The following S100A14 variants were observed in gnomAD, a reference collection of about 807,000 sequenced individuals.
S100A14 encodes S100 calcium binding protein A14, also known as protein S100-A14.
S100A14 carries 6 observed loss-of-function variants against 10.6 expected under a neutral mutation model. The ratio of observed to expected loss-of-function variants is 0.57; its 90% CI spans 0.31 to 1.12. The LOEUF (loss-of-function observed/expected upper bound fraction) is 1.12, where lower values mean the gene tolerates loss of function less well. S100A14 is among the 50% of genes most tolerant of loss of function. The pLI, the probability that S100A14 is intolerant of heterozygous loss-of-function variation, is 0.06. For missense variants in S100A14, 121 were observed against 128.7 expected, an observed-to-expected ratio of 0.94 and a Z score of 0.29; for synonymous variants, 51 against 51.0, an observed-to-expected ratio of 1.00 and a Z score of 0.00.
chr1:153,615,868 T>C lies in S100A14; in HGVS notation c.-10A>G, dbSNP rs781029641. The C allele has an allele frequency of 1.2e-6, 2 of 1,613,858 alleles. No homozygotes were observed. The highest frequency in any genetic ancestry group is 2.2e-5 in the South Asian group (2 of 91,078). ...ACCGACACTGTCCCATGGTGCCCAC[T>C]GTGTCTGGTCCTTTGGTGAGAGTTC... is the stretch of plus-strand genomic sequence containing the variant. On this transcript the variant is annotated 5_prime_UTR_variant, in exon 2 of 4. Transcript: ENST00000344616.
In S100A14 at chr1:153,615,867, C is replaced by T. The variant is rs1317672481; in HGVS notation, c.-9G>A. The T allele has an allele frequency of 1.2e-6, 2 of 1,613,940 alleles. No homozygotes were observed. The highest frequency in any genetic ancestry group is 3.3e-5 in the Admixed American group (2 of 60,006). On this transcript the variant is annotated 5_prime_UTR_variant, in exon 2 of 4. The change creates a new upstream start codon in the 5' untranslated region. Transcript: ENST00000344616. ...GACCGACACTGTCCCATGGTGCCCA[C>T]TGTGTCTGGTCCTTTGGTGAGAGTT...
chr1:153,615,032 G>A lies in S100A14; in HGVS notation c.178-10C>T. 6.2e-7 allele frequency: 1 copy of A among 1,613,264 alleles called. No homozygotes were observed. Among genetic ancestry groups the A allele is most frequent in the Non-Finnish European group, 8.5e-7 (1 of 1,179,610 alleles). On this transcript the variant is annotated splice_polypyrimidine_tract_variant and intron_variant, in intron 3 of 3. Transcript: ENST00000344616. ...CCAGGCCACAGTTGCTCTGAGGGGA[G>A]TGAAGAAACCATGGCTCAGGGATGC...
Position 153,614,837 on chromosome 1 carries a change from G to C in S100A14, c.*48C>G. 1 of 1,594,394 alleles carries C rather than the reference G, an allele frequency of 6.3e-7. No individual in the cohort carries two copies. The highest frequency in any genetic ancestry group is 8.5e-7 in the Non-Finnish European group (1 of 1,170,526). ...GTAGAGGAGACAAGTTTTATCTCCA[G>C]GCCCACAGTCTCTCCCCAACACCCC... On this transcript the variant is annotated 3_prime_UTR_variant, in exon 4 of 4. Coordinates refer to ENST00000344616, the MANE Select transcript of S100A14 (RefSeq NM_020672.3).
Position 153,615,293 on chromosome 1 carries a change from G to C in S100A14, c.119C>G (p.Thr40Arg), listed in dbSNP as rs375870977. Reference protein sequence around the residue: ...HQYSVEGGKETLTPSELRDLV... With the variant: ...HQYSVEGGKERLTPSELRDLV... ...GTCCCGTAGCTCAGAAGGGGTCAGC[G>C]TCTCCTTCCCACCCTCCACGGAGTA... The change falls in exon 3 of 4, where the codon ACG (threonine) becomes AGG (arginine). Residue 40 changes from threonine (T) to arginine (R), a missense_variant. Coordinates refer to ENST00000344616, the MANE Select transcript of S100A14 (RefSeq NM_020672.3). The C allele has an allele frequency of 9.9e-6, 16 of 1,613,844 alleles. No homozygotes were observed. Among genetic ancestry groups the C allele is most frequent in the Non-Finnish European group, 1.4e-5 (16 of 1,179,998 alleles).
intron 1 of S100A14, 146 bp from the exon 2 acceptor site, chr1:153,616,082 T>G: frequency 2.0e-6 from 1 of 495,578 alleles, no homozygotes; most frequent in Non-Finnish European, 3.7e-6. Flanking sequence ...CGCCTGGGCT[T>G]CAGGAGCCAA....
chr1:153,615,978 T>A, intron 1 of S100A14, 42 bp from the exon 2 acceptor site: 1 of 949,156 alleles, frequency 1.1e-6, no homozygotes, highest in Non-Finnish European at 1.7e-6. Context: ...GGAGAGAGTC[T>A]AGCATTTCTT....
chr1:153,614,712 A>G lies in S100A14; in HGVS notation c.*173T>C. The G allele has an allele frequency of 1.4e-6, 1 of 733,474 alleles. No homozygotes were observed. The highest frequency in any genetic ancestry group is 2.1e-6 in the Non-Finnish European group (1 of 470,878). 45.4% of individuals were successfully genotyped at this position (733,474 alleles called of 1,614,324 possible). ...TCTGGTGGAGACTCCTCCACCCATG[A>G]GCTCCCCAGAGCATCCAAGACAGAG... On this transcript the variant is annotated 3_prime_UTR_variant, in exon 4 of 4. Coordinates refer to ENST00000344616, the MANE Select transcript of S100A14 (RefSeq NM_020672.3).
In S100A14 at chr1:153,614,902, G is replaced by T; in HGVS notation, c.298C>A (p.Pro100Thr). The T allele has an allele frequency of 6.2e-7, 1 of 1,613,782 alleles. No individual in the cohort carries two copies. The highest frequency in any genetic ancestry group is 8.5e-7 in the Non-Finnish European group (1 of 1,179,900). Reference sequence around the variant, plus strand: ...GGGAGTTCTCAGTGCCCCCGGACAGGCCTCTCCAGCTTCACACTCTTGGCC... The same window carrying T: ...GGGAGTTCTCAGTGCCCCCGGACAGTCCTCTCCAGCTTCACACTCTTGGCC... ...EAAKSVKLER[P>T]VRGH The change falls in exon 4 of 4, where the codon CCT becomes ACT. Residue 100 changes from proline (P) to threonine (T), a missense_variant. Coordinates refer to ENST00000344616, the MANE Select transcript of S100A14 (RefSeq NM_020672.3).
intron 1 of S100A14, 70 bp downstream of exon 1, chr1:153,616,225 G>A (rs1411331604): frequency 4.5e-6 from 1 of 224,422 alleles, no homozygotes; most frequent in East Asian, 8.4e-5. Context: ...TGATCCCCCA[G>A]CTCTTACCCT....
chr1:153,615,424 A>C (rs1666941631), intron 2 of S100A14, 43 bp from the exon 3 acceptor site: 1 of 1,592,748 alleles, frequency 6.3e-7, no homozygotes, highest in Non-Finnish European at 8.6e-7. Flanking sequence ...AGCTCCATGC[A>C]CCCCAAAACC....
intron 2 of S100A14, among the ~76,000 whole-genome samples, 184 bp from the exon 3 acceptor site, chr1:153,615,565 G>C (rs1021368503): frequency 6.6e-6 from 1 of 152,120 alleles, no homozygotes; most frequent in African/African-American, 2.4e-5. Context: ...GGCCACAGCA[G>C]CTACAGGTTG....
At chr1:153,615,807 G>A in intron 2 of S100A14, 22 bp downstream of exon 2, 5 of 1,613,558 alleles carry the variant, frequency 3.1e-6, no homozygotes, top group Non-Finnish European at 4.2e-6. Context: ...GGAGCAGAAA[G>A]GCCAGGAGTG....
Position 153,614,612 on chromosome 1 carries a change from C to T in S100A14, c.*273G>A, listed in dbSNP as rs1407939121. ...GCTCCTCTCTGTTCTCCCCCTACTA[C>T]CAATTCTTTGGCTCTTACACAATTT... On this transcript the variant is annotated 3_prime_UTR_variant, in exon 4 of 4. Transcript: ENST00000344616. 1 of 381,796 alleles carries T rather than the reference C, an allele frequency of 2.6e-6. No individual in the cohort carries two copies. The highest frequency in any genetic ancestry group is 4.7e-6 in the Non-Finnish European group (1 of 212,646). The allele number at this position is 381,796 out of a possible 1,614,324, so 23.7% of individuals were successfully genotyped here. A position where few individuals can be genotyped will look rare whatever the true frequency, so the allele number is the denominator to read the frequency against.
chr1:153,615,705 A>G, intron 2 of S100A14, 124 bp downstream of exon 2: 1 of 968,220 alleles, frequency 1.0e-6, no homozygotes, highest in Non-Finnish European at 1.6e-6. Context: ...TTCACATCTC[A>G]CTCACAGGGT....
At chr1:153,615,187 C>T in intron 3 of S100A14, 48 bp downstream of exon 3, 1 of 1,607,452 alleles carries the variant, frequency 6.2e-7, no homozygotes. Context: ...GGAGCACTTG[C>T]TTGGGAAGTC....
At chr1:153,615,106 G>A in intron 3 of S100A14, 84 bp from the exon 4 acceptor site, 2 of 1,587,620 alleles carry the variant, frequency 1.3e-6, no homozygotes, top group South Asian at 1.2e-5. Flanking sequence ...CAGACAGCAG[G>A]AGCAGAGGCT....
In S100A14 at chr1:153,615,947, G is replaced by A; in HGVS notation, c.-78-11C>T. On this transcript the variant is annotated splice_polypyrimidine_tract_variant and intron_variant, in intron 1 of 3. Transcript: ENST00000344616. ...CTGATGGCTCATGATCTGCTTAGAG[G>A]AGGGGGTAGGCCTGAGCTGAGGAGA... is the stretch of plus-strand genomic sequence containing the variant. The A allele has an allele frequency of 7.5e-7, 1 of 1,327,764 alleles. No homozygotes were observed. Among genetic ancestry groups the A allele is most frequent in the South Asian group, 1.2e-5 (1 of 84,844 alleles). The allele number at this position is 1,327,764 out of a possible 1,614,324, so 82.2% of individuals were successfully genotyped here.
rs972502044 is a variant in S100A14, at chr1:153,615,315, A to G, written c.97T>C (p.Ser33Pro). 4.3e-5 allele frequency: 70 copies of G among 1,613,794 alleles called. No individual in the cohort carries two copies. Among genetic ancestry groups the G allele is most frequent in the Non-Finnish European group, 5.4e-5 (64 of 1,179,992 alleles). ...ETLIKNFHQY[S>P]VEGGKETLTP... is the part of the protein sequence containing the mutation. ...AGCGTCTCCTTCCCACCCTCCACGG[A>G]GTACTGGTGAAAGTTCTTGATGAGG... Residue 33 changes from serine to proline, a missense_variant, in exon 3 of 4, where the codon TCC becomes CCC. Transcript: ENST00000344616.
chr1:153,615,290 A>G lies in S100A14; in HGVS notation c.122T>C (p.Leu41Pro), dbSNP rs1001624922. 4.3e-6 allele frequency: 7 copies of G among 1,613,874 alleles called. No homozygotes were observed. The highest frequency in any genetic ancestry group is 1.6e-4 in the Middle Eastern group (1 of 6,084). ...QYSVEGGKET[L>P]TPSELRDLVT... is the part of the protein sequence containing the mutation. ...CAGGTCCCGTAGCTCAGAAGGGGTC[A>G]GCGTCTCCTTCCCACCCTCCACGGA... Residue 41 changes from leucine (L) to proline (P), a missense_variant, in exon 3 of 4, where the codon CTG becomes CCG. Leu to Pro is a moderately conservative substitution (Grantham distance 98). Transcript: ENST00000344616.
Sources: allele counts gnomAD v4.1 joint callset (sites outside exome capture counted in the v4.1 genomes callset), GRCh38; gene constraint gnomAD v4.1.1; transcripts MANE v1.5; gene names NCBI Gene and HGNC (gene_info 2026-07-23, HGNC 2026-07-21).